The following PRKN variants were observed in gnomAD, a reference collection of about 807,000 sequenced individuals.
PRKN encodes the protein parkin RBR E3 ubiquitin protein ligase.
A neutral mutation model predicts 59.5 loss-of-function variants in PRKN; 56 were observed. That is an observed-to-expected ratio of 0.94 (90% confidence interval 0.76 to 1.18). The LOEUF is 1.18. Ranked by LOEUF, PRKN falls within the 50% of genes most tolerant of loss-of-function variation. PRKN has a pLI of 0.00. For missense variants in PRKN, 657 were observed against 596.4 expected, an observed-to-expected ratio of 1.10 and a Z score of -1.06; for synonymous variants, 250 against 222.1, an observed-to-expected ratio of 1.13 and a Z score of -1.12.
At chr6:161,802,355 T>C (rs1186769505) in intron 6 of PRKN, among the ~76,000 whole-genome samples, 1 of 151,826 alleles carries the variant, frequency 6.6e-6, no homozygotes, top group Non-Finnish European at 1.5e-5. Context: ...TGATCCAGGC[T>C]CAGTGAACTC....
At chr6:161,895,731 G>A (rs1323386704) in intron 6 of PRKN, among the ~76,000 whole-genome samples, 1 of 151,912 alleles carries the variant, frequency 6.6e-6, no homozygotes, top group Non-Finnish European at 1.5e-5. Context: ...CACCCCACCT[G>A]CCGTTATGCT....
rs968689330 is a variant in PRKN, at chr6:161,409,237, C to G, written c.1084-22360G>C. On this transcript the variant is annotated intron_variant, in intron 9 of 11. Coordinates refer to ENST00000366898, the MANE Select transcript of PRKN (RefSeq NM_004562.3). This position sits in a 1 kb window ranked among gnomAD's most constrained non-coding sequence, Gnocchi z 4.6. The stretch of plus-strand genomic sequence containing the variant: ...GGGATTACAGGTGTGAGCCACCACC[C>G]CCGGCCAGGAGAACACATTTTTAAA... Among the ~76,000 whole-genome samples the G allele has an allele frequency of 1.3e-4, 20 of 152,156 alleles. No individual in the cohort carries two copies. The highest frequency in any genetic ancestry group is 4.8e-4 in the African/African-American group (20 of 41,416).
chr6:162,526,367 G>C (rs1211068453), intron 1 of PRKN, among the ~76,000 whole-genome samples: 1 of 150,338 alleles, frequency 6.7e-6, no homozygotes, highest in East Asian at 2.0e-4. Context: ...ATGAACCAAA[G>C]GTGGCCGGGC....
chr6:162,422,625 A>T (rs548158916), intron 2 of PRKN, among the ~76,000 whole-genome samples: 6 of 152,252 alleles, frequency 3.9e-5, no homozygotes, highest in Admixed American at 3.9e-4. Flanking sequence ...TGCTACTTTT[A>T]AAAATGGCTT....
intron 6 of PRKN, among the ~76,000 whole-genome samples, chr6:161,819,404 T>G (rs2128215714): frequency 6.6e-6 from 1 of 152,154 alleles, no homozygotes; most frequent in East Asian, 1.9e-4. Context: ...GGCAGGAGAA[T>G]CGCTTGAACC....
rs1356384624 is a variant in PRKN, at chr6:162,011,475, A to C, written c.619-38058T>G. 7.8e-3 allele frequency among the ~76,000 whole-genome samples: 110 copies of C among 14,190 alleles called. 21 individuals carry two copies. Among genetic ancestry groups the C allele is most frequent in the African/African-American group, 0.06 (107 of 1,772 alleles). The allele number at this position is 14,190 out of a possible 152,430, so 9.3% of individuals were successfully genotyped here. ...ATATAATATATATATTATAATATAT[A>C]ATATATTATAATATATATAATATAT... On this transcript the variant is annotated intron_variant, in intron 5 of 11. Coordinates refer to ENST00000366898, the MANE Select transcript of PRKN (RefSeq NM_004562.3).
intron 1 of PRKN, among the ~76,000 whole-genome samples, chr6:162,565,147 G>GT (rs1780005281): frequency 1.3e-5 from 2 of 152,142 alleles, no homozygotes; most frequent in Non-Finnish European, 2.9e-5. Context: ...GTTTTTATTA[G>GT]TTTTCTTTTT....
intron 11 of PRKN, among the ~76,000 whole-genome samples, chr6:161,351,866 A>T (rs3798963): frequency 0.12 from 18,617 of 152,150 alleles, 1,768 homozygotes; most frequent in African/African-American, 0.27. Flanking sequence ...ATGTCCTGTC[A>T]TTCACAGAAC....
chr6:162,053,788 G>A (rs1008554409), intron 5 of PRKN, among the ~76,000 whole-genome samples: 1 of 152,064 alleles, frequency 6.6e-6, no homozygotes, highest in African/African-American at 2.4e-5. Context: ...CTCTGCACTG[G>A]CTCTCCTTTT....
In PRKN at chr6:161,426,541, A is replaced by AGTC. The variant is rs377285321; in HGVS notation, c.1084-39667_1084-39665dup. The stretch of plus-strand genomic sequence containing the variant: ...TTGAACATCGAACTCCAAGTTCTTC[A>AGTC]GTCTTGGGACTCAGACTGGCTCTCC... On this transcript the variant is annotated intron_variant, in intron 9 of 11. Coordinates refer to ENST00000366898, the MANE Select transcript of PRKN (RefSeq NM_004562.3). Among the ~76,000 whole-genome samples, 621 of 151,952 alleles carry AGTC rather than the reference A, an allele frequency of 4.1e-3. 4 individuals are homozygous for AGTC. Among genetic ancestry groups the AGTC allele is most frequent in the African/African-American group, 0.015 (604 of 41,414 alleles).
intron 2 of PRKN, among the ~76,000 whole-genome samples, chr6:162,425,791 A>C (rs1356292479): frequency 1.3e-5 from 2 of 152,252 alleles, no homozygotes; most frequent in Admixed American, 6.5e-5. Context: ...TTCTAGAATT[A>C]GAGGAAAATG....
chr6:162,125,240 G>C (rs1781078521), intron 4 of PRKN, among the ~76,000 whole-genome samples: 1 of 152,156 alleles, frequency 6.6e-6, no homozygotes, highest in South Asian at 2.1e-4. Flanking sequence ...ACATGCTTCA[G>C]AATCCAGCCC....
chr6:161,911,944 G>A (rs558453697), intron 6 of PRKN, among the ~76,000 whole-genome samples: 6 of 152,230 alleles, frequency 3.9e-5, no homozygotes, highest in South Asian at 2.1e-4. Context: ...TTGGGAGGCC[G>A]AGGCGGACAG....
chr6:161,820,721 A>G (rs932252170), intron 6 of PRKN, among the ~76,000 whole-genome samples: 1 of 148,968 alleles, frequency 6.7e-6, no homozygotes, highest in Non-Finnish European at 1.5e-5. Context: ...AAATTATATA[A>G]TTATATATTC....
intron 1 of PRKN, among the ~76,000 whole-genome samples, chr6:162,576,850 A>T (rs112572858): frequency 0.02 from 2,983 of 150,008 alleles, 101 homozygotes; most frequent in African/African-American, 0.068. Flanking sequence ...CTTATTGTAC[A>T]TTTTGAATAA....
intron 1 of PRKN, among the ~76,000 whole-genome samples, chr6:162,688,191 AAC>A (rs1446818635): frequency 1.3e-5 from 2 of 152,256 alleles, no homozygotes; most frequent in Admixed American, 6.5e-5. Context: ...GACTGAAAAA[AAC>A]AGACATAAAA....
chr6:161,797,056 A>G (rs1452472242), intron 6 of PRKN, among the ~76,000 whole-genome samples: 1 of 152,232 alleles, frequency 6.6e-6, no homozygotes, highest in Admixed American at 6.5e-5. Context: ...GCTAAGAATC[A>G]GTCCAGTGGC....
intron 4 of PRKN, among the ~76,000 whole-genome samples, chr6:162,107,689 T>G (rs889447177): frequency 5.3e-5 from 8 of 152,168 alleles, no homozygotes; most frequent in African/African-American, 1.7e-4. Context: ...ACACTGTTCC[T>G]TTTTCTCTTT....
At chr6:162,213,396 A>G (rs147797177) in intron 3 of PRKN, among the ~76,000 whole-genome samples, 2 of 152,122 alleles carry the variant, frequency 1.3e-5, no homozygotes, top group African/African-American at 2.4e-5. Flanking sequence ...GTATTTCACA[A>G]TGCATACACA....
Sources: gnomAD v4.1 joint callset for allele counts (sites outside exome capture counted in the v4.1 genomes callset) on GRCh38, gnomAD v4.1.1 for gene constraint, Gnocchi (gnomAD v3.1) non-coding constraint, MANE v1.5 for transcripts, NCBI Gene and HGNC (gene_info 2026-07-23, HGNC 2026-07-21) for gene names.